GRIN2A: variants seen among roughly 807,000 people sequenced by gnomAD.
GRIN2A encodes the protein glutamate ionotropic receptor NMDA type subunit 2A, also known as glutamate receptor ionotropic, NMDA 2A.
A neutral mutation model predicts 113.4 loss-of-function variants in GRIN2A; 22 were observed. The observed-to-expected ratio is 0.19, with a 90% confidence interval of 0.14 to 0.28. The LOEUF (loss-of-function observed/expected upper bound fraction) is 0.28. GRIN2A is among the 10% of genes least tolerant of loss of function. The pLI is 1.00. For synonymous variants in GRIN2A, 827 were observed against 738.4 expected, an observed-to-expected ratio of 1.12 and a Z score of -1.94; for missense variants, 1,502 against 1,887.0, an observed-to-expected ratio of 0.80 and a Z score of 3.78.
intron 2 of GRIN2A, among the ~76,000 whole-genome samples, chr16:10,163,049 T>C (rs2049836315): frequency 6.6e-6 from 1 of 152,228 alleles, no homozygotes; most frequent in African/African-American, 2.4e-5. Flanking sequence ...ATTATTTTTA[T>C]GCTTCTGCAA....
At position 9,753,751 on chromosome 16, in the gene GRIN2A, T is replaced by G. The variant is rs549764266; in HGVS notation, c.*9398A>C. The G allele has an allele frequency of 1.1e-5, 2 of 188,824 alleles. No homozygotes were observed. Among genetic ancestry groups the G allele is most frequent in the Non-Finnish European group, 2.2e-5 (2 of 89,810 alleles). 11.7% of individuals were successfully genotyped at this position (188,824 alleles called of 1,614,324 possible). A position where few individuals can be genotyped will look rare whatever the true frequency, so the allele number is the denominator to read the frequency against. ...ACATGACAGATATAAACTGCTGCAG[T>G]TGATCAGTGAACATTAATTCCCAAA... On this transcript the variant is annotated 3_prime_UTR_variant, in exon 13 of 13. Transcript: ENST00000330684.
chr16:10,168,462 C>G (rs1213094337), intron 2 of GRIN2A, among the ~76,000 whole-genome samples: 1 of 152,078 alleles, frequency 6.6e-6, no homozygotes, highest in Non-Finnish European at 1.5e-5. Flanking sequence ...TTGAGAGGTA[C>G]AGAGTGTTTG....
chr16:10,076,541 C>A (rs918908986), intron 2 of GRIN2A, among the ~76,000 whole-genome samples: 2 of 152,138 alleles, frequency 1.3e-5, no homozygotes, highest in African/African-American at 2.4e-5. Context: ...TGCTCCTCAT[C>A]TAAGAGATGA....
intron 4 of GRIN2A, among the ~76,000 whole-genome samples, chr16:9,865,264 G>A (rs16966529): frequency 0.31 from 47,182 of 151,992 alleles, 7,529 homozygotes; most frequent in African/African-American, 0.34. Flanking sequence ...AAGACTTGCT[G>A]TTTTTGAAAA....
intron 2 of GRIN2A, among the ~76,000 whole-genome samples, chr16:10,088,553 G>A (rs1470741989): frequency 6.6e-6 from 1 of 152,178 alleles, no homozygotes; most frequent in Non-Finnish European, 1.5e-5. Context: ...TGGGGCCGCG[G>A]GCTGTCTGGG....
intron 3 of GRIN2A, among the ~76,000 whole-genome samples, chr16:9,900,166 G>C (rs1422653289): frequency 1.3e-5 from 2 of 152,178 alleles, no homozygotes; most frequent in African/African-American, 4.8e-5. Context: ...CCTAAAATTT[G>C]GGGTCAAAAG....
intron 2 of GRIN2A, among the ~76,000 whole-genome samples, chr16:10,091,517 G>A (rs1242130527): frequency 6.6e-6 from 1 of 151,856 alleles, no homozygotes; most frequent in Non-Finnish European, 1.5e-5. Flanking sequence ...GCTGGGTGTG[G>A]TAGTGTATAC....
chr16:9,770,735 C>T (rs1901219429), intron 11 of GRIN2A, among the ~76,000 whole-genome samples: 1 of 152,158 alleles, frequency 6.6e-6, no homozygotes, highest in African/African-American at 2.4e-5. Flanking sequence ...CCTGCTATGG[C>T]TTTGAATATT....
chr16:9,902,458 C>T (rs989244756), intron 3 of GRIN2A, among the ~76,000 whole-genome samples: 5 of 152,230 alleles, frequency 3.3e-5, no homozygotes, highest in African/African-American at 9.6e-5. Flanking sequence ...TGGAATACCA[C>T]ACCAGCCCTA....
At chr16:9,796,532 G>A (rs1902994495) in intron 11 of GRIN2A, among the ~76,000 whole-genome samples, 2 of 152,182 alleles carry the variant, frequency 1.3e-5, no homozygotes, top group African/African-American at 4.8e-5. Flanking sequence ...CCTGAACTTG[G>A]CCACCTGACC....
At position 9,877,967 on chromosome 16, in the gene GRIN2A, T is replaced by A. The variant is rs76122068; in HGVS notation, c.1122+13019A>T. 3.4e-3 allele frequency among the ~76,000 whole-genome samples: 520 copies of A among 151,552 alleles called. 17 individuals carry two copies. The East Asian group carries it at 0.071, about 21-fold the overall frequency. On this transcript the variant is annotated intron_variant, in intron 4 of 12. Transcript: ENST00000330684. ...AGATGACCCTGTCAGAAAACCAAAA[T>A]GGTTTTCATTGGTCTATTCAGGAGT...
At chr16:9,919,989 G>A (rs773253217) in intron 3 of GRIN2A, among the ~76,000 whole-genome samples, 1 of 152,130 alleles carries the variant, frequency 6.6e-6, no homozygotes, top group Non-Finnish European at 1.5e-5. Flanking sequence ...CCATCCTTCA[G>A]TCTCCATCCC....
intron 2 of GRIN2A, among the ~76,000 whole-genome samples, chr16:10,005,041 A>G (rs537722273): frequency 1.8e-4 from 27 of 152,378 alleles, no homozygotes; most frequent in African/African-American, 6.5e-4. Flanking sequence ...ATTTATTTTT[A>G]TAAAAGCTCT....
At chr16:9,985,218 T>C (rs1319415154) in intron 2 of GRIN2A, among the ~76,000 whole-genome samples, 1 of 152,242 alleles carries the variant, frequency 6.6e-6, no homozygotes, top group East Asian at 1.9e-4. Flanking sequence ...AATGATGTTA[T>C]TACAACATCC....
intron 2 of GRIN2A, among the ~76,000 whole-genome samples, chr16:10,004,855 C>A (rs2046378916): frequency 6.6e-6 from 1 of 152,166 alleles, no homozygotes; most frequent in African/African-American, 2.4e-5. Context: ...AGGTAACATA[C>A]TCACAAGGTC....
intron 4 of GRIN2A, among the ~76,000 whole-genome samples, chr16:9,887,892 A>T (rs1334403155): frequency 2.0e-5 from 3 of 152,112 alleles, no homozygotes; most frequent in Non-Finnish European, 4.4e-5. Flanking sequence ...AACTATCTCT[A>T]CCAAAAATAT....
At chr16:9,908,967 T>C (rs535016229) in intron 3 of GRIN2A, among the ~76,000 whole-genome samples, 5 of 152,190 alleles carry the variant, frequency 3.3e-5, no homozygotes, top group East Asian at 3.9e-4. Context: ...GAGTGAGAGG[T>C]TGACTTAAGC....
At chr16:10,174,566 G>A (rs2050106586) in intron 2 of GRIN2A, among the ~76,000 whole-genome samples, 1 of 152,162 alleles carries the variant, frequency 6.6e-6, no homozygotes, top group South Asian at 2.1e-4. Context: ...TCTTTGAAGG[G>A]ACAGGGGAGG....
chr16:10,044,486 AAT>A (rs1458286558), intron 2 of GRIN2A, among the ~76,000 whole-genome samples: 2 of 151,670 alleles, frequency 1.3e-5, no homozygotes, highest in Non-Finnish European at 2.9e-5. Context: ...AGTCTTTCCT[AAT>A]GCCACTCCCT....
Sources: allele counts gnomAD v4.1 joint callset (sites outside exome capture counted in the v4.1 genomes callset), GRCh38; gene constraint gnomAD v4.1.1; transcripts MANE v1.5; gene names NCBI Gene and HGNC (gene_info 2026-07-23, HGNC 2026-07-21).